SP140L: variants seen among roughly 807,000 people sequenced by gnomAD.
SP140L encodes SP140 like nuclear body protein.
Under a neutral mutation model 84.3 loss-of-function variants are expected in SP140L, and 64 were observed. The ratio of observed to expected loss-of-function variants is 0.76; its 90% CI spans 0.62 to 0.94. The LOEUF is 0.94. Among genes scored for constraint, SP140L ranks in the 40% least tolerant of loss-of-function variants. The pLI, the probability that SP140L is intolerant of heterozygous loss-of-function variation, is 0.00. For synonymous variants in SP140L, 242 were observed against 236.9 expected, an observed-to-expected ratio of 1.02 and a Z score of -0.20; for missense variants, 628 against 692.5, an observed-to-expected ratio of 0.91 and a Z score of 1.05.
rs1263077547 is a variant in SP140L, at chr2:230,396,912, G to C, written c.1197+114G>C. 3.1e-6 allele frequency: 4 copies of C among 1,298,990 alleles called. No homozygotes were observed. In the African/African-American group the frequency reaches 6.0e-5, roughly 19 times the overall value. The allele number at this position is 1,298,990 out of a possible 1,614,324, so 80.5% of individuals were successfully genotyped here. ...GCATGTTCAGTCTCAGTTGGAGTAT[G>C]TGGCTGTGTGAATTCAGTTGCATCA... is the stretch of plus-strand genomic sequence containing the variant. On this transcript the variant is annotated intron_variant, in intron 14 of 18. Transcript: ENST00000415673.
At chr2:230,367,097 G>A (rs1023270306) in intron 5 of SP140L, among the ~76,000 whole-genome samples, 2 of 151,832 alleles carry the variant, frequency 1.3e-5, no homozygotes, top group African/African-American at 4.8e-5. Flanking sequence ...TCCTCTAGTG[G>A]TATGCTTTGA....
chr2:230,345,797 A>G (rs1218268690), intron 2 of SP140L, among the ~76,000 whole-genome samples: 1 of 152,038 alleles, frequency 6.6e-6, no homozygotes, highest in Non-Finnish European at 1.5e-5. Context: ...TAATTGACTA[A>G]TGTTACAATT....
At chr2:230,391,166 A>G (rs926900905) in intron 11 of SP140L, among the ~76,000 whole-genome samples, 4 of 152,240 alleles carry the variant, frequency 2.6e-5, no homozygotes, top group Non-Finnish European at 5.9e-5. Context: ...TGTTATAAAT[A>G]ATGCTGTTTT....
chr2:230,384,192 T>C (rs1413099473), intron 8 of SP140L, among the ~76,000 whole-genome samples: 1 of 152,168 alleles, frequency 6.6e-6, no homozygotes, highest in Non-Finnish European at 1.5e-5. Context: ...TTAAAAATCT[T>C]CAACTTTTAT....
At chr2:230,349,096 G>C (rs2060291080) in intron 2 of SP140L, among the ~76,000 whole-genome samples, 1 of 152,168 alleles carries the variant, frequency 6.6e-6, no homozygotes, top group Non-Finnish European at 1.5e-5. Context: ...ATTTTTGTGT[G>C]TATCTATGCA....
chr2:230,345,632 A>G (rs1407384320), intron 2 of SP140L, among the ~76,000 whole-genome samples: 2 of 147,430 alleles, frequency 1.4e-5, no homozygotes, highest in Admixed American at 6.8e-5. Context: ...TTGTGAGTTG[A>G]TGAATTTTAA....
In SP140L at chr2:230,401,425, G is replaced by A. The variant is rs1454553318; in HGVS notation, c.1482G>A (p.Lys494=). Residue 494 remains lysine (K), a synonymous_variant, in exon 17 of 19, where the codon AAG becomes AAA. Transcript: ENST00000415673. The part of the protein sequence containing the change: ...YCCSESSFFA[K]IPYYYYIREA... ...GTTCTGAGAGCTCCTTTTTTGCCAA[G>A]ATTCCATACTATTATTATGTAAGTA... The A allele has an allele frequency of 6.5e-7, 1 of 1,545,560 alleles. No individual in the cohort carries two copies. The highest frequency in any genetic ancestry group is 1.1e-5 in the South Asian group (1 of 87,878).
At chr2:230,333,642 G>C (rs1213898632) in intron 2 of SP140L, among the ~76,000 whole-genome samples, 2 of 151,982 alleles carry the variant, frequency 1.3e-5, no homozygotes, top group Non-Finnish European at 2.9e-5. Flanking sequence ...TCATCATTTT[G>C]CTTGTGATAT....
chr2:230,395,673 C>T (rs2062016965), intron 13 of SP140L, among the ~76,000 whole-genome samples: 1 of 152,214 alleles, frequency 6.6e-6, no homozygotes, highest in Non-Finnish European at 1.5e-5. Flanking sequence ...CAGAGACGCA[C>T]TCAGTGACAA....
chr2:230,381,746 AC>A (rs2149790248), intron 7 of SP140L, among the ~76,000 whole-genome samples: 1 of 151,710 alleles, frequency 6.6e-6, no homozygotes, highest in Non-Finnish European at 1.5e-5. Flanking sequence ...ACACACACAC[AC>A]ACACACACAC....
At chr2:230,334,770 G>C (rs372422011) in intron 2 of SP140L, among the ~76,000 whole-genome samples, 183 of 152,108 alleles carry the variant, frequency 1.2e-3, no homozygotes, top group African/African-American at 4.3e-3. Context: ...GTTCCTTGAA[G>C]GATTGCTAAA....
intron 7 of SP140L, among the ~76,000 whole-genome samples, chr2:230,373,516 G>C (rs2061152528): frequency 6.6e-6 from 1 of 152,160 alleles, no homozygotes; most frequent in Non-Finnish European, 1.5e-5. Context: ...GCCCAGATGA[G>C]AGCACATCTG....
intron 5 of SP140L, among the ~76,000 whole-genome samples, chr2:230,364,992 T>C (rs1267647450): frequency 6.6e-6 from 1 of 152,112 alleles, no homozygotes; most frequent in Non-Finnish European, 1.5e-5. Context: ...AAAGCTTACT[T>C]GATCATGGTG....
chr2:230,361,451 C>T (rs948024732), intron 4 of SP140L, among the ~76,000 whole-genome samples, 163 bp from the exon 5 acceptor site: 1 of 152,114 alleles, frequency 6.6e-6, no homozygotes, highest in African/African-American at 2.4e-5. Flanking sequence ...CATAAAAGCT[C>T]ATTGTTGAGG....
rs369213106 is a variant in SP140L at position 230,357,823 on chromosome 2, G to A, written c.126G>A (p.Gln42=). 2.8e-5 allele frequency: 45 copies of A among 1,612,420 alleles called. No individual in the cohort carries two copies. In the African/African-American group the frequency reaches 5.7e-4, roughly 21 times the overall value. ...TCCTTAGGCTGTTCACGGAAGACCA[G>A]GATGTAGATGAGGGACTTGTCTATG... ...QSLQRLFTED[Q]DVDEGLVYDT... Residue 42 remains glutamine (Q), a synonymous_variant, in exon 3 of 19, where the codon CAG becomes CAA. Coordinates refer to ENST00000415673, the MANE Select transcript of SP140L (RefSeq NM_138402.6).
At chr2:230,380,717 A>G (rs544738734) in intron 7 of SP140L, among the ~76,000 whole-genome samples, 23 of 152,286 alleles carry the variant, frequency 1.5e-4, no homozygotes, top group African/African-American at 5.1e-4. Flanking sequence ...AAAACTTTAT[A>G]TAAATAAGGT....
chr2:230,398,931 G>A (rs2062182589), intron 14 of SP140L, among the ~76,000 whole-genome samples: 1 of 152,178 alleles, frequency 6.6e-6, no homozygotes. Flanking sequence ...ATAAGCAGAA[G>A]GTGCAAGCGG....
intron 18 of SP140L, 127 bp from the exon 19 acceptor site, chr2:230,402,671 C>A: frequency 1.4e-6 from 1 of 698,908 alleles, no homozygotes; most frequent in South Asian, 1.9e-5. Context: ...AAATACATAC[C>A]ATTATAAATT....
intron 2 of SP140L, among the ~76,000 whole-genome samples, chr2:230,337,413 G>T (rs1165862209): frequency 2.6e-5 from 4 of 152,052 alleles, no homozygotes; most frequent in Non-Finnish European, 5.9e-5. Flanking sequence ...CAGATGAGTA[G>T]GTTGCAAAAA....
Sources: allele counts gnomAD v4.1 joint callset (sites outside exome capture counted in the v4.1 genomes callset), GRCh38; gene constraint gnomAD v4.1.1; transcripts MANE v1.5; gene names NCBI Gene and HGNC (gene_info 2026-07-23, HGNC 2026-07-21).